EPB41L5: variants seen among roughly 807,000 people sequenced by gnomAD.
EPB41L5 encodes the protein band 4.1-like protein 5.
A neutral mutation model predicts 106.6 loss-of-function variants in EPB41L5; 55 were observed. The observed-to-expected ratio is 0.52, with a 90% confidence interval of 0.42 to 0.65. The LOEUF is 0.65. Ranked by LOEUF, EPB41L5 falls within the 30% of genes least tolerant of loss-of-function variation. The pLI is 0.00. For synonymous variants in EPB41L5, 297 were observed against 306.7 expected, an observed-to-expected ratio of 0.97 and a Z score of 0.33; for missense variants, 871 against 882.1, an observed-to-expected ratio of 0.99 and a Z score of 0.16.
chr2:120,099,606 T>G (rs976894104), intron 14 of EPB41L5, among the ~76,000 whole-genome samples: 1 of 152,014 alleles, frequency 6.6e-6, no homozygotes, highest in Non-Finnish European at 1.5e-5. Flanking sequence ...TTTTTGTATT[T>G]TTAGTAGAGA....
intron 14 of EPB41L5, among the ~76,000 whole-genome samples, chr2:120,095,431 C>G (rs1683683716): frequency 6.6e-6 from 1 of 151,234 alleles, no homozygotes; most frequent in South Asian, 2.1e-4. Context: ...CTGGAATTCT[C>G]ATTAACATGT....
At chr2:120,069,128 CAAAAAAAAAAAAAAAAAA>C (rs539813602) in intron 3 of EPB41L5, among the ~76,000 whole-genome samples, 48 of 79,552 alleles carry the variant, frequency 6.0e-4, no homozygotes, top group African/African-American at 2.0e-3. Flanking sequence ...AACTCTGTCT[CAAAAAAAAAAAAAAAAAA>C]AAAAAAAAAA....
At chr2:120,171,124 G>C (rs569668677) in intron 24 of EPB41L5, among the ~76,000 whole-genome samples, 8 of 152,302 alleles carry the variant, frequency 5.3e-5, no homozygotes, top group African/African-American at 1.9e-4. Context: ...ACAAAGAACA[G>C]GAAAGGAGAC....
At chr2:120,020,679 A>G (rs1035671758) in intron 2 of EPB41L5, among the ~76,000 whole-genome samples, 41 of 152,204 alleles carry the variant, frequency 2.7e-4, no homozygotes, top group African/African-American at 9.4e-4. Flanking sequence ...TTTCATTAAA[A>G]TATCATTGGA....
At chr2:120,127,494 A>G (rs1438614158) in intron 16 of EPB41L5, among the ~76,000 whole-genome samples, 194 bp from the exon 17 acceptor site, 6 of 152,272 alleles carry the variant, frequency 3.9e-5, no homozygotes, top group African/African-American at 9.6e-5. Flanking sequence ...ACCTAATACA[A>G]TATAAATGCT....
chr2:120,150,463 A>G (rs1230908652), intron 20 of EPB41L5, among the ~76,000 whole-genome samples: 1 of 152,102 alleles, frequency 6.6e-6, no homozygotes, highest in African/African-American at 2.4e-5. Flanking sequence ...CTAGGATTAC[A>G]GGCACACACC....
At chr2:120,159,448 C>G (rs1395705444) in intron 20 of EPB41L5, among the ~76,000 whole-genome samples, 1 of 128,928 alleles carries the variant, frequency 7.8e-6, no homozygotes, top group Non-Finnish European at 1.8e-5. Flanking sequence ...AAAAAAGTGA[C>G]AATCAATATC....
chr2:120,024,768 G>A (rs1678195578), intron 2 of EPB41L5, among the ~76,000 whole-genome samples: 1 of 152,044 alleles, frequency 6.6e-6, no homozygotes, highest in African/African-American at 2.4e-5. Context: ...CAATCCTGTG[G>A]TTTTTGTCAT....
chr2:120,177,252 A>C lies in EPB41L5; in HGVS notation c.*2345A>C, dbSNP rs1391502985. ...GTCTGTCTCTTGAGAAGAGAGAGGC[A>C]TGTGTGCCGGCATCCTTGATGGGTT... On this transcript the variant is annotated 3_prime_UTR_variant, in exon 25 of 25. Transcript: ENST00000263713. The C allele has an allele frequency of 6.6e-6, 1 of 152,392 alleles. No homozygotes were observed. Among genetic ancestry groups the C allele is most frequent in the African/African-American group, 2.4e-5 (1 of 41,380 alleles). 9.4% of individuals were successfully genotyped at this position (152,392 alleles called of 1,614,324 possible).
At chr2:120,101,681 G>T (rs1348283864) in intron 16 of EPB41L5, 2 of 152,250 alleles carry the variant, frequency 1.3e-5, no homozygotes, top group Admixed American at 1.3e-4. Flanking sequence ...CATGGTGGTG[G>T]CTCAACAGTG....
intron 22 of EPB41L5, among the ~76,000 whole-genome samples, chr2:120,165,261 A>C (rs1473384973): frequency 6.6e-6 from 1 of 152,204 alleles, no homozygotes; most frequent in Non-Finnish European, 1.5e-5. Context: ...TGAACATATC[A>C]ATCATTATTA....
At chr2:120,168,370 T>G (rs1040854605) in intron 24 of EPB41L5, among the ~76,000 whole-genome samples, 9 of 152,148 alleles carry the variant, frequency 5.9e-5, no homozygotes, top group African/African-American at 2.2e-4. Context: ...GGTGAAGAGG[T>G]GCAGTATAAG....
At chr2:120,096,830 A>AT (rs1437004657) in intron 14 of EPB41L5, among the ~76,000 whole-genome samples, 2 of 152,002 alleles carry the variant, frequency 1.3e-5, no homozygotes, top group Non-Finnish European at 2.9e-5. Context: ...AATGTTTGAG[A>AT]TTTTTCTGTA....
chr2:120,098,166 G>GTGTGTGTGTT (rs2105387945), intron 14 of EPB41L5, among the ~76,000 whole-genome samples: 1 of 150,888 alleles, frequency 6.6e-6, no homozygotes, highest in East Asian at 2.0e-4. Context: ...TTGTGTGTGT[G>GTGTGTGTGTT]TGTGTGTGTG....
chr2:120,137,817 A>G (rs1457772519), intron 18 of EPB41L5, among the ~76,000 whole-genome samples: 1 of 152,138 alleles, frequency 6.6e-6, no homozygotes, highest in Non-Finnish European at 1.5e-5. Flanking sequence ...TATTCCAAAA[A>G]ATAGAGGAGG....
chr2:120,022,368 G>A (rs1054162358), intron 2 of EPB41L5, among the ~76,000 whole-genome samples: 4 of 149,084 alleles, frequency 2.7e-5, no homozygotes, highest in Admixed American at 6.7e-5. Flanking sequence ...GGTGTGTGAT[G>A]TTCTCCTCCC....
At chr2:120,056,093 T>G (rs909794595) in intron 3 of EPB41L5, among the ~76,000 whole-genome samples, 1 of 152,180 alleles carries the variant, frequency 6.6e-6, no homozygotes, top group Non-Finnish European at 1.5e-5. Context: ...TTAATCAGAT[T>G]GAGGGAAGGT....
chr2:120,021,196 C>T (rs558823647), intron 2 of EPB41L5, among the ~76,000 whole-genome samples: 3 of 151,912 alleles, frequency 2.0e-5, no homozygotes, highest in Admixed American at 6.6e-5. Context: ...AAAAATTAAC[C>T]GGGCGTGGTG....
Position 120,175,129 on chromosome 2 carries a change from T to G in EPB41L5, c.*222T>G. ...AAAAGAGAGTGTTTGGTCTTGAACT[T>G]TCTATACTTTTATAAATGTTACAAA... On this transcript the variant is annotated 3_prime_UTR_variant, in exon 25 of 25. Transcript: ENST00000263713. 1 of 515,774 alleles carries G rather than the reference T, an allele frequency of 1.9e-6. No individual in the cohort carries two copies. The highest frequency in any genetic ancestry group is 3.5e-6 in the Non-Finnish European group (1 of 284,214). The allele number at this position is 515,774 out of a possible 1,614,324, so 31.9% of individuals were successfully genotyped here.
Sources: allele counts gnomAD v4.1 joint callset (sites outside exome capture counted in the v4.1 genomes callset), GRCh38; gene constraint gnomAD v4.1.1; transcripts MANE v1.5; gene names NCBI Gene and HGNC (gene_info 2026-07-23, HGNC 2026-07-21).